Variants in WDR72 observed in about 807,000 individuals in gnomAD.
WDR72 encodes the protein WD repeat-containing protein 72.
In WDR72, 120 loss-of-function variants were observed where a neutral mutation model predicts 124.2. The observed-to-expected ratio is 0.97, with a 90% CI of 0.83 to 1.12. The LOEUF (loss-of-function observed/expected upper bound fraction) is 1.12. WDR72 is among the 50% of genes most tolerant of loss of function. WDR72 has a pLI of 0.00. For missense variants in WDR72, 1,387 were observed against 1,278.8 expected, an observed-to-expected ratio of 1.08 and a Z score of -1.29; for synonymous variants, 452 against 441.7, an observed-to-expected ratio of 1.02 and a Z score of -0.29.
intron 18 of WDR72, among the ~76,000 whole-genome samples, chr15:53,534,456 A>G (rs1001534617): frequency 3.9e-5 from 6 of 152,050 alleles, no homozygotes; most frequent in African/African-American, 1.4e-4. Context: ...CCTTTTCCTT[A>G]TTCTCATAAA....
chr15:53,623,808 G>A (rs1288485131), intron 14 of WDR72, among the ~76,000 whole-genome samples: 1 of 152,048 alleles, frequency 6.6e-6, no homozygotes, highest in Non-Finnish European at 1.5e-5. Context: ...AATATACACT[G>A]TATAAGTATT....
In WDR72 at chr15:53,663,067, TC is replaced by T. The variant is rs934544402; in HGVS notation, c.1962+2504del. On this transcript the variant is annotated intron_variant, in intron 14 of 19. Transcript: ENST00000360509. ...TGTGCTGGAGTGCAGTGGCACGATCTCTAAAAATAAGACCCTGCCTCTAAAA... is the reference window on the plus strand; with the variant it reads ...TGTGCTGGAGTGCAGTGGCACGATCTTAAAAATAAGACCCTGCCTCTAAAA... Among the ~76,000 whole-genome samples the T allele has an allele frequency of 3.3e-5, 5 of 149,452 alleles. No individual in the cohort carries two copies. In the Admixed American group the frequency reaches 3.3e-4, roughly 10 times the overall value.
chr15:53,547,232 A>C (rs1431872496), intron 18 of WDR72, among the ~76,000 whole-genome samples: 1 of 152,234 alleles, frequency 6.6e-6, no homozygotes, highest in Admixed American at 6.5e-5. Flanking sequence ...TCCTGGGTTT[A>C]AGCGATTCTC....
chr15:53,693,383 C>T (rs982116232), intron 13 of WDR72, among the ~76,000 whole-genome samples: 2 of 100,938 alleles, frequency 2.0e-5, no homozygotes, highest in Non-Finnish European at 3.9e-5. Context: ...AGCTATATTT[C>T]TGAAAAACGT....
At chr15:53,742,727 T>C (rs2018541989) in intron 1 of WDR72, among the ~76,000 whole-genome samples, 1 of 152,186 alleles carries the variant, frequency 6.6e-6, no homozygotes, top group African/African-American at 2.4e-5. Flanking sequence ...TGAATTTCTC[T>C]CACGGGGATC....
chr15:53,660,339 G>A (rs985358912), intron 14 of WDR72, among the ~76,000 whole-genome samples: 1 of 151,948 alleles, frequency 6.6e-6, no homozygotes, highest in Non-Finnish European at 1.5e-5. Flanking sequence ...ATTTTCAGAT[G>A]ATATTTTCCA....
intron 14 of WDR72, among the ~76,000 whole-genome samples, chr15:53,637,690 C>T (rs536574401): frequency 6.6e-5 from 10 of 152,248 alleles, no homozygotes; most frequent in African/African-American, 2.2e-4. Context: ...AAATGGCAAT[C>T]CTTCCCCTCT....
intron 18 of WDR72, among the ~76,000 whole-genome samples, chr15:53,552,083 C>A (rs11070988): frequency 0.28 from 42,443 of 151,918 alleles, 6,614 homozygotes; most frequent in African/African-American, 0.43. Context: ...TCACCTGACA[C>A]TGACATTTTT....
At chr15:53,697,234 G>A (rs537800529) in intron 13 of WDR72, among the ~76,000 whole-genome samples, 4 of 152,198 alleles carry the variant, frequency 2.6e-5, no homozygotes, top group African/African-American at 7.2e-5. Flanking sequence ...CAACTCTATC[G>A]ATTATTGTCC....
At chr15:53,737,949 G>A (rs2140628189) in intron 1 of WDR72, among the ~76,000 whole-genome samples, 1 of 152,212 alleles carries the variant, frequency 6.6e-6, no homozygotes, top group South Asian at 2.1e-4. Flanking sequence ...ATACCATTTA[G>A]GAAACATTAT....
At chr15:53,733,311 G>A (rs2018258199) in intron 1 of WDR72, 150 bp from the exon 2 acceptor site, 2 of 795,042 alleles carry the variant, frequency 2.5e-6, no homozygotes, top group Admixed American at 2.2e-5. Context: ...TCAATTAGAA[G>A]AGAAAGTAGT....
At position 53,615,937 on chromosome 15, in the gene WDR72, T is replaced by C. The variant is rs753574174; in HGVS notation, c.2269A>G (p.Ile757Val). 6.8e-6 allele frequency: 11 copies of C among 1,613,314 alleles called. No individual in the cohort carries two copies. Among genetic ancestry groups the C allele is most frequent in the African/African-American group, 2.7e-5 (2 of 74,862 alleles). ...CCATCATTTTCTTCTGAGAATTTGA[T>C]GGTATTATCTCCTTGGGCCAGGCTT... ...TESLAQGDNT[I>V]KFSEENDGIK... Residue 757 changes from isoleucine (I) to valine (V), a missense_variant, in exon 15 of 20, where the codon ATC becomes GTC. By Grantham distance (29) the Ile-to-Val change is conservative. Transcript: ENST00000360509.
At chr15:53,737,067 G>T (rs1193540620) in intron 1 of WDR72, among the ~76,000 whole-genome samples, 2 of 148,544 alleles carry the variant, frequency 1.3e-5, no homozygotes, top group African/African-American at 4.9e-5. Flanking sequence ...TCTGTTAGCT[G>T]GAGTCTTGGG....
chr15:53,676,608 C>T (rs899329296), intron 13 of WDR72, among the ~76,000 whole-genome samples: 1 of 152,194 alleles, frequency 6.6e-6, no homozygotes, highest in Non-Finnish European at 1.5e-5. Context: ...GAACTAAATT[C>T]TGCCAAGGAC....
chr15:53,570,263 T>TGA (rs1894464928), intron 18 of WDR72, among the ~76,000 whole-genome samples: 1 of 7,248 alleles, frequency 1.4e-4, no homozygotes, highest in African/African-American at 4.0e-4. Context: ...TCATATACCA[T>TGA]TTTTTTTTTT....
intron 18 of WDR72, among the ~76,000 whole-genome samples, chr15:53,591,389 C>T (rs1159227289): frequency 6.6e-6 from 1 of 151,978 alleles, no homozygotes; most frequent in Non-Finnish European, 1.5e-5. Context: ...GAGATAGGCA[C>T]TGTACAAAAT....
chr15:53,739,856 T>A (rs987627317), intron 1 of WDR72, among the ~76,000 whole-genome samples: 3 of 152,202 alleles, frequency 2.0e-5, no homozygotes, highest in African/African-American at 7.2e-5. Context: ...GGCATTTTTT[T>A]ACGGGCAATG....
chr15:53,734,515 T>G (rs2018293718), intron 1 of WDR72, among the ~76,000 whole-genome samples: 1 of 152,186 alleles, frequency 6.6e-6, no homozygotes, highest in Admixed American at 6.5e-5. Flanking sequence ...ATACCTATTT[T>G]TAAGTTGTTG....
In WDR72 at chr15:53,616,253, C is replaced by T. The variant is rs2013763075; in HGVS notation, c.1963-10G>A. 6.3e-7 allele frequency: 1 copy of T among 1,590,256 alleles called. No individual in the cohort carries two copies. Among genetic ancestry groups the T allele is most frequent in the Non-Finnish European group, 8.5e-7 (1 of 1,171,836 alleles). ...ATTTGGCATCAGTAACCTAAGGGAA[C>T]AAAAAATATTTGTGTCAAAGTTCTT... On this transcript the variant is annotated splice_polypyrimidine_tract_variant and intron_variant, in intron 14 of 19. Transcript: ENST00000360509.
Sources: allele counts gnomAD v4.1 joint callset (sites outside exome capture counted in the v4.1 genomes callset), GRCh38; gene constraint gnomAD v4.1.1; transcripts MANE v1.5; gene names NCBI Gene and HGNC (gene_info 2026-07-23, HGNC 2026-07-21).